The following MCF2L variants were observed in gnomAD, a reference collection of about 807,000 sequenced individuals.
MCF2L encodes the protein guanine nucleotide exchange factor DBS.
Under a neutral mutation model 153.4 loss-of-function variants are expected in MCF2L, and 97 were observed. That is an observed-to-expected ratio of 0.63 (90% CI 0.54 to 0.75). The LOEUF is 0.75. Ranked by LOEUF, MCF2L falls within the 30% of genes least tolerant of loss-of-function variation. The pLI is 0.00. For synonymous variants in MCF2L, 659 were observed against 632.2 expected (o/e 1.04, Z -0.64); for missense variants, 1,347 against 1,495.2 (o/e 0.90, Z 1.64).
At chr13:112,928,105 C>T (rs1408321292) in intron 2 of MCF2L, among the ~76,000 whole-genome samples, 3 of 152,136 alleles carry the variant, frequency 2.0e-5, no homozygotes, top group Non-Finnish European at 4.4e-5. Context: ...AAAGTCATTA[C>T]CTTTTAGGAA....
At position 113,098,699 on chromosome 13, in the gene MCF2L, A is replaced by G. The variant is rs1011812627; in HGVS notation, c.*1840A>G. 1 of 152,296 alleles carries G rather than the reference A, an allele frequency of 6.6e-6. No homozygotes were observed. The highest frequency in any genetic ancestry group is 1.5e-5 in the Non-Finnish European group (1 of 68,052). 9.4% of individuals were successfully genotyped at this position (152,296 alleles called of 1,614,324 possible). The stretch of plus-strand genomic sequence containing the variant: ...CCAGCGTGCGGCTCAGGCACCGAGC[A>G]ACCGCTTTGCTTTCTTCTGTCAGAC... On this transcript the variant is annotated 3_prime_UTR_variant, in exon 30 of 30. Coordinates refer to ENST00000535094, the MANE Select transcript of MCF2L (RefSeq NM_001112732.3).
chr13:113,013,805 G>A (rs1389985604), intron 1 of MCF2L, among the ~76,000 whole-genome samples: 1 of 152,232 alleles, frequency 6.6e-6, no homozygotes, highest in Non-Finnish European at 1.5e-5. Flanking sequence ...GTGGTCAGTG[G>A]TCAGTGTCCC....
chr13:113,018,202 C>T (rs189542018), intron 2 of MCF2L, among the ~76,000 whole-genome samples: 1 of 152,314 alleles, frequency 6.6e-6, no homozygotes, highest in Admixed American at 6.5e-5. Flanking sequence ...ACGTTGCCGC[C>T]CAAAGTCAGG....
At chr13:112,937,651 A>C (rs992612122) in intron 2 of MCF2L, among the ~76,000 whole-genome samples, 4 of 152,208 alleles carry the variant, frequency 2.6e-5, no homozygotes, top group African/African-American at 9.7e-5. Flanking sequence ...CACATGAAGG[A>C]TTCAAATTTG....
chr13:113,092,345 G>A (rs140211546), intron 26 of MCF2L, among the ~76,000 whole-genome samples: 28 of 152,126 alleles, frequency 1.8e-4, no homozygotes, highest in Admixed American at 7.2e-4. Flanking sequence ...GCCACTGCCC[G>A]TGGGTCATTT....
In MCF2L at chr13:113,054,647, G is replaced by C. The variant is rs562251238; in HGVS notation, c.370-5946G>C. The C allele has an allele frequency of 6.6e-6, 1 of 152,332 alleles. No homozygotes were observed. The highest frequency in any genetic ancestry group is 1.9e-4 in the East Asian group (1 of 5,190). 9.4% of individuals were successfully genotyped at this position (152,332 alleles called of 1,614,324 possible). The stretch of plus-strand genomic sequence containing the variant: ...AAATATATAATGTCAAGCTGGATAG[G>C]TGTGGCTTGGAGCAGACCTTAAGGA... On this transcript the variant is annotated intron_variant, in intron 4 of 29. Transcript: ENST00000535094. The surrounding 1 kb of genome is among the most constrained non-coding windows in gnomAD (Gnocchi z 5.2).
chr13:113,044,884 G>C (rs777176538), intron 3 of MCF2L: 4 of 1,612,908 alleles, frequency 2.5e-6, no homozygotes, highest in Non-Finnish European at 3.4e-6. Flanking sequence ...CAGGACCGGC[G>C]TGATGTATGC....
At chr13:113,018,603 G>A (rs1026494227) in intron 2 of MCF2L, among the ~76,000 whole-genome samples, 5 of 152,148 alleles carry the variant, frequency 3.3e-5, no homozygotes, top group Non-Finnish European at 2.9e-5. Flanking sequence ...GCCCCGAGGA[G>A]GTCGTGGTCT....
At chr13:112,979,884 G>A in intron 1 of MCF2L, 2 of 804,400 alleles carry the variant, frequency 2.5e-6, no homozygotes, top group Non-Finnish European at 3.8e-6. Context: ...AACCTGTGCA[G>A]CTCGGAGACT....
rs1248699162 is a variant in MCF2L, at chr13:112,914,808, G to A, written c.169+12437G>A. Among the ~76,000 whole-genome samples, 6 of 151,730 alleles carry A rather than the reference G, an allele frequency of 4.0e-5. No homozygotes were observed. In the East Asian group the frequency reaches 1.2e-3, roughly 29 times the overall value. ...TTTCTAGGCGCTTTTCATAAATTAG[G>A]GAGTTTAGCTGTAGTGATGTGAGTT... On this transcript the variant is annotated intron_variant, in intron 2 of 29. Transcript: ENST00000375608.
At chr13:112,914,249 T>C (rs776269612) in intron 2 of MCF2L, among the ~76,000 whole-genome samples, 1 of 152,186 alleles carries the variant, frequency 6.6e-6, no homozygotes, top group Non-Finnish European at 1.5e-5. Context: ...CTGAGACACA[T>C]GTTCACACTT....
At chr13:112,997,217 G>A (rs899703317) in intron 1 of MCF2L, among the ~76,000 whole-genome samples, 2 of 152,172 alleles carry the variant, frequency 1.3e-5, no homozygotes, top group African/African-American at 4.8e-5. Flanking sequence ...ACCACTGTGG[G>A]TCTGGCCCAG....
Position 112,961,400 on chromosome 13 carries a change from C to T in MCF2L, c.170-53363C>T, listed in dbSNP as rs977054479. Among the ~76,000 whole-genome samples, 18 of 152,346 alleles carry T rather than the reference C, an allele frequency of 1.2e-4. No individual in the cohort carries two copies. The East Asian group carries it at 1.9e-3, about 16-fold the overall frequency. On this transcript the variant is annotated intron_variant, in intron 2 of 29. Coordinates refer to the MCF2L transcript ENST00000375608. ...CTGCCTTGGGGTTCGGTTGGCCCTG[C>T]GAGGAGATGCCTGGTTCCCCAGGGG...
chr13:112,995,982 C>T (rs1399083831), intron 1 of MCF2L, among the ~76,000 whole-genome samples: 2 of 152,198 alleles, frequency 1.3e-5, no homozygotes, highest in African/African-American at 4.8e-5. Flanking sequence ...TCACCCCATG[C>T]CAGGCTGACT....
intron 2 of MCF2L, among the ~76,000 whole-genome samples, chr13:113,023,491 G>A (rs1394331002): frequency 6.6e-6 from 1 of 152,172 alleles, no homozygotes; most frequent in East Asian, 1.9e-4. Flanking sequence ...GCTGTGGGGG[G>A]CGCAAGGCGG....
intron 2 of MCF2L, among the ~76,000 whole-genome samples, chr13:112,903,955 C>T (rs570446443): frequency 2.0e-4 from 30 of 152,282 alleles, no homozygotes; most frequent in Middle Eastern, 3.4e-3. Flanking sequence ...CTACTTAGCG[C>T]GTGCAGACAG....
At chr13:113,095,424 G>A in intron 27 of MCF2L, 1 of 1,087,794 alleles carries the variant, frequency 9.2e-7, no homozygotes, top group South Asian at 2.6e-5. Flanking sequence ...CAGAGGCGGA[G>A]GCCACGTGGC....
At chr13:112,900,144 G>T (rs2081106473) in intron 1 of MCF2L, among the ~76,000 whole-genome samples, 1 of 152,204 alleles carries the variant, frequency 6.6e-6, no homozygotes, top group African/African-American at 2.4e-5. Context: ...ATTTGGAAGA[G>T]AAAAAGGACA....
In MCF2L at chr13:112,941,132, C is replaced by T. The variant is rs993383132; in HGVS notation, c.169+38761C>T. The stretch of plus-strand genomic sequence containing the variant: ...GTCAGAGTGGCCATCGTGCTTATCA[C>T]ATAAAAATGTAACCTACAAAAATTC... On this transcript the variant is annotated intron_variant, in intron 2 of 29. Transcript: ENST00000375608. The surrounding 1 kb of genome is among the most constrained non-coding windows in gnomAD (Gnocchi z 4.9). Among the ~76,000 whole-genome samples, 5 of 152,112 alleles carry T rather than the reference C, an allele frequency of 3.3e-5. No individual in the cohort carries two copies. The highest frequency in any genetic ancestry group is 1.2e-4 in the African/African-American group (5 of 41,424).
Sources: gnomAD v4.1 joint callset for allele counts (sites outside exome capture counted in the v4.1 genomes callset) on GRCh38, gnomAD v4.1.1 for gene constraint, Gnocchi (gnomAD v3.1) non-coding constraint, MANE v1.5 for transcripts, NCBI Gene and HGNC (gene_info 2026-07-23, HGNC 2026-07-21) for gene names.